TDRD3: variants seen among roughly 807,000 people sequenced by gnomAD.
TDRD3 encodes the protein tudor domain containing 3.
A neutral mutation model predicts 86.7 loss-of-function variants in TDRD3; 45 were observed. The observed-to-expected ratio is 0.52, with a 90% CI of 0.41 to 0.67. The LOEUF (loss-of-function observed/expected upper bound fraction) is 0.67, where lower values mean the gene tolerates loss of function less well. TDRD3 is among the 30% of genes least tolerant of loss of function. TDRD3 has a pLI of 0.00. For missense variants in TDRD3, 814 were observed against 889.0 expected (o/e 0.92, Z 1.07); for synonymous variants, 298 against 301.7 (o/e 0.99, Z 0.13).
intron 12 of TDRD3, among the ~76,000 whole-genome samples, chr13:60,554,203 A>G (rs1286973228): frequency 6.6e-6 from 1 of 152,196 alleles, no homozygotes; most frequent in Non-Finnish European, 1.5e-5. Flanking sequence ...TTTTGCATAA[A>G]TTAGTGTTTA....
At position 60,499,108 on chromosome 13, in the gene TDRD3, A is replaced by G. The variant is rs926238608; in HGVS notation, c.858+4533A>G. Among the ~76,000 whole-genome samples the G allele has an allele frequency of 3.9e-5, 6 of 152,338 alleles. No individual in the cohort carries two copies. In the East Asian group the frequency reaches 1.2e-3, roughly 29 times the overall value. On this transcript the variant is annotated intron_variant, in intron 8 of 13. Coordinates refer to ENST00000377881, the MANE Select transcript of TDRD3 (RefSeq NM_001146070.2). ...GAAGCCATTAGAGCTGCCTCTACCT[A>G]GAAAAATAGTAAATCAAAAACAATA...
chr13:60,517,709 G>A (rs1021533265), intron 10 of TDRD3, among the ~76,000 whole-genome samples: 2 of 152,088 alleles, frequency 1.3e-5, no homozygotes, highest in African/African-American at 4.8e-5. Context: ...CAAATTTCTA[G>A]ATAGTACTTT....
intron 12 of TDRD3, among the ~76,000 whole-genome samples, chr13:60,551,529 T>TTTCATTTCC (rs1958052626): frequency 6.6e-6 from 1 of 152,104 alleles, no homozygotes; most frequent in Admixed American, 6.5e-5. Flanking sequence ...AGATCAGGAG[T>TTTCATTTCC]TGAGTATCCA....
chr13:60,486,053 C>T lies in TDRD3; in HGVS notation c.717+105C>T, dbSNP rs538547961. 138 of 1,168,096 alleles carry T rather than the reference C, an allele frequency of 1.2e-4. 1 individual carries two copies. In the African/African-American group the frequency reaches 1.2e-3, roughly 10 times the overall value. 72.4% of individuals were successfully genotyped at this position (1,168,096 alleles called of 1,614,324 possible). ...CATATAAGCTAACTAATTCAACAAA[C>T]GCTTAACCTTATTCTTCTTGCATAT... On this transcript the variant is annotated intron_variant, in intron 7 of 13. Coordinates refer to ENST00000377881, the MANE Select transcript of TDRD3 (RefSeq NM_001146070.2).
chr13:60,401,633 A>G (rs977659844), intron 1 of TDRD3, among the ~76,000 whole-genome samples: 4 of 152,212 alleles, frequency 2.6e-5, no homozygotes, highest in Non-Finnish European at 4.4e-5. Context: ...TAGGAAGCCC[A>G]GTTTTCTAAC....
At chr13:60,492,208 A>G (rs923897241) in intron 7 of TDRD3, among the ~76,000 whole-genome samples, 1 of 152,188 alleles carries the variant, frequency 6.6e-6, no homozygotes, top group African/African-American at 2.4e-5. Flanking sequence ...AGATGGGACT[A>G]TTTCACTGGC....
At chr13:60,527,471 T>A (rs749973737) in intron 10 of TDRD3, among the ~76,000 whole-genome samples, 2 of 152,180 alleles carry the variant, frequency 1.3e-5, no homozygotes, top group East Asian at 3.9e-4. Flanking sequence ...GCATGTTGAT[T>A]ATGATGTATG....
chr13:60,555,464 A>G (rs1189376344), intron 12 of TDRD3, among the ~76,000 whole-genome samples: 1 of 152,210 alleles, frequency 6.6e-6, no homozygotes, highest in African/African-American at 2.4e-5. Context: ...TAGGAAAACT[A>G]CAAATATGGG....
intron 5 of TDRD3, among the ~76,000 whole-genome samples, chr13:60,481,853 C>T (rs1239863317): frequency 6.6e-6 from 1 of 152,106 alleles, no homozygotes; most frequent in African/African-American, 2.4e-5. Context: ...TGCTATTTTC[C>T]TTTAATGAGT....
chr13:60,420,285 A>G (rs974372145), intron 1 of TDRD3, among the ~76,000 whole-genome samples: 4 of 152,120 alleles, frequency 2.6e-5, no homozygotes, highest in Non-Finnish European at 4.4e-5. Flanking sequence ...TACATATGCT[A>G]TGAATGTTTT....
chr13:60,414,445 A>G (rs7994220), intron 1 of TDRD3, among the ~76,000 whole-genome samples: 1 of 152,188 alleles, frequency 6.6e-6, no homozygotes, highest in Non-Finnish European at 1.5e-5. Flanking sequence ...TGCAATATTT[A>G]CTATCTGGTT....
At chr13:60,419,616 C>T (rs1453147826) in intron 1 of TDRD3, among the ~76,000 whole-genome samples, 2 of 151,828 alleles carry the variant, frequency 1.3e-5, no homozygotes, top group African/African-American at 4.8e-5. Context: ...GAACATCACA[C>T]ACTGAGGCCT....
rs1957512104 is a variant in TDRD3, at chr13:60,528,780, A to T, written c.1555A>T (p.Asn519Tyr). Residue 519 changes from asparagine to tyrosine, a missense_variant, in exon 11 of 14, where the codon AAT (asparagine) becomes TAT (tyrosine). By Grantham distance (143) the Asn-to-Tyr change is moderately radical. Transcript: ENST00000377881. ...KGPSFAEAKE[N>Y]PLPQGSVDYN... ...TCCCTCCTTTGCAGAGGCAAAAGAA[A>T]ATCCACTTCCTCAAGGATCTGTAGA... The T allele has an allele frequency of 6.2e-7, 1 of 1,613,732 alleles. No individual in the cohort carries two copies. The highest frequency in any genetic ancestry group is 1.1e-5 in the South Asian group (1 of 90,978).
intron 8 of TDRD3, among the ~76,000 whole-genome samples, chr13:60,500,561 T>C (rs1268115278): frequency 1.3e-5 from 2 of 152,168 alleles, no homozygotes; most frequent in African/African-American, 4.8e-5. Flanking sequence ...TTCTGAAGGA[T>C]AGCAGTGAAG....
chr13:60,535,184 A>G lies in TDRD3; in HGVS notation c.2069A>G (p.Tyr690Cys). ...AVVKFIDYGN[Y>C]EEVLLSNIKP... is the part of the protein sequence containing the mutation. The stretch of plus-strand genomic sequence containing the variant: ...GTTAAATTCATTGACTACGGAAACT[A>G]TGAAGAGGTGCTACTGAGCAATATC... Residue 690 changes from tyrosine (Y) to cysteine (C), a missense_variant, in exon 12 of 14, where the codon TAT (tyrosine) becomes TGT (cysteine). Coordinates refer to ENST00000377881, the MANE Select transcript of TDRD3 (RefSeq NM_001146070.2). The G allele has an allele frequency of 6.2e-7, 1 of 1,613,988 alleles. No individual in the cohort carries two copies. The highest frequency in any genetic ancestry group is 8.5e-7 in the Non-Finnish European group (1 of 1,179,898).
chr13:60,399,468 C>T (rs1427046658), intron 1 of TDRD3, among the ~76,000 whole-genome samples: 2 of 152,180 alleles, frequency 1.3e-5, no homozygotes, highest in Non-Finnish European at 2.9e-5. Context: ...AGGTCTCGAA[C>T]AGACTAGGCA....
chr13:60,534,123 C>T (rs528597037), intron 11 of TDRD3, among the ~76,000 whole-genome samples: 6 of 152,236 alleles, frequency 3.9e-5, no homozygotes, highest in African/African-American at 9.6e-5. Context: ...CCAGCTTGGG[C>T]AACCTAGCAA....
At chr13:60,482,783 G>C (rs1956347757) in intron 5 of TDRD3, among the ~76,000 whole-genome samples, 1 of 150,858 alleles carries the variant, frequency 6.6e-6, no homozygotes, top group East Asian at 1.9e-4. Flanking sequence ...AAAATATACA[G>C]TGTTTACACA....
intron 1 of TDRD3, among the ~76,000 whole-genome samples, chr13:60,416,734 A>G (rs1164617481): frequency 6.6e-6 from 1 of 152,072 alleles, no homozygotes; most frequent in East Asian, 1.9e-4. Context: ...ATATCTTTCA[A>G]ATTTTTCCTT....
Sources: gnomAD v4.1 joint callset for allele counts (sites outside exome capture counted in the v4.1 genomes callset) on GRCh38, gnomAD v4.1.1 for gene constraint, MANE v1.5 for transcripts, NCBI Gene and HGNC (gene_info 2026-07-23, HGNC 2026-07-21) for gene names.